The following EIF2B3 variants were observed in gnomAD, a reference collection of about 807,000 sequenced individuals.
EIF2B3 encodes translation initiation factor eIF2B subunit gamma.
A neutral mutation model predicts 54.1 loss-of-function variants in EIF2B3; 20 were observed. The ratio of observed to expected loss-of-function variants is 0.37; its 90% CI spans 0.26 to 0.54. The LOEUF is 0.54. EIF2B3 is among the 20% of genes least tolerant of loss of function. The pLI is 0.86. For missense variants in EIF2B3, 448 were observed against 547.8 expected (o/e 0.82, Z 1.82); for synonymous variants, 153 against 188.1 (o/e 0.81, Z 1.52).
rs955752116 is a variant in EIF2B3 at position 44,919,622 on chromosome 1, G to T, written c.566+7006C>A. 2.6e-5 allele frequency among the ~76,000 whole-genome samples: 4 copies of T among 151,612 alleles called. No individual in the cohort carries two copies. The East Asian group carries it at 7.7e-4, about 29-fold the overall frequency. On this transcript the variant is annotated intron_variant, in intron 5 of 11. Transcript: ENST00000360403. ...AAGTTTTCTGACCTATTCCAGTGTGGTCTGGTTGCCATTTATACTGGGTGT... is the reference window on the plus strand; with the variant it reads ...AAGTTTTCTGACCTATTCCAGTGTGTTCTGGTTGCCATTTATACTGGGTGT...
chr1:44,878,150 C>T (rs1221340687), intron 8 of EIF2B3, among the ~76,000 whole-genome samples: 2 of 152,192 alleles, frequency 1.3e-5, no homozygotes, highest in African/African-American at 4.8e-5. Context: ...AGCTCTCTGG[C>T]TTGGGACTCC....
intron 5 of EIF2B3, among the ~76,000 whole-genome samples, chr1:44,918,508 G>C (rs2148927316): frequency 6.6e-6 from 1 of 152,064 alleles, no homozygotes; most frequent in East Asian, 1.9e-4. Flanking sequence ...TCCTGCCTCA[G>C]CCTCCTGGGT....
chr1:44,909,931 G>C (rs1283135083), intron 5 of EIF2B3, among the ~76,000 whole-genome samples: 1 of 152,158 alleles, frequency 6.6e-6, no homozygotes, highest in Non-Finnish European at 1.5e-5. Context: ...ATCTGGCCAT[G>C]ATCTTTGAGG....
intron 10 of EIF2B3, among the ~76,000 whole-genome samples, chr1:44,870,531 A>C (rs1012230013): frequency 6.6e-6 from 1 of 152,128 alleles, no homozygotes; most frequent in Non-Finnish European, 1.5e-5. Flanking sequence ...TCTTATGTCT[A>C]AAATTGCTTG....
At position 44,874,816 on chromosome 1, in the gene EIF2B3, T is replaced by G; in HGVS notation, c.1064A>C (p.Asp355Ala). The change falls in exon 10 of 12, where the codon GAC becomes GCC. Residue 355 changes from aspartate (D) to alanine (A), a missense_variant. Asp to Ala is a moderately radical substitution (Grantham distance 126). This residue lies in a region of EIF2B3 where 350 missense variants were observed against 414.2 expected (regional missense o/e 0.85). Transcript: ENST00000360403. ...QIVSKHLVGVDSLIGPETQIG... is the reference protein window; with the variant it reads ...QIVSKHLVGVASLIGPETQIG... ...CTGTGTCTCTGGCCCAATGAGGCTG[T>G]CAACTCCAACCTGTAAAAGGCAAAA... The G allele has an allele frequency of 6.2e-7, 1 of 1,614,128 alleles. No individual in the cohort carries two copies. The highest frequency in any genetic ancestry group is 8.5e-7 in the Non-Finnish European group (1 of 1,180,034).
intron 3 of EIF2B3, among the ~76,000 whole-genome samples, chr1:44,947,275 CTTTAGTG>C (rs995230651): frequency 8.3e-4 from 127 of 152,304 alleles, no homozygotes; most frequent in African/African-American, 2.8e-3. Flanking sequence ...GAAGGCAGCA[CTTTAGTG>C]TTTAAAGTGT....
At chr1:44,983,571 C>A (rs1048817091) in intron 1 of EIF2B3, among the ~76,000 whole-genome samples, 2 of 152,046 alleles carry the variant, frequency 1.3e-5, no homozygotes, top group Non-Finnish European at 2.9e-5. Context: ...AGCACTGGAC[C>A]CTTAAGAGTC....
intron 5 of EIF2B3, among the ~76,000 whole-genome samples, chr1:44,907,927 A>G: frequency 6.6e-6 from 1 of 150,460 alleles, no homozygotes; most frequent in African/African-American, 2.4e-5. Flanking sequence ...GATGGCCACA[A>G]TTATTCCCCT....
At chr1:44,909,345 C>A (rs1643471044) in intron 5 of EIF2B3, among the ~76,000 whole-genome samples, 1 of 150,886 alleles carries the variant, frequency 6.6e-6, no homozygotes. Context: ...AAGACATAAA[C>A]CCACAAGGAC....
intron 10 of EIF2B3, chr1:44,874,459 C>T: frequency 1.8e-6 from 1 of 559,900 alleles, no homozygotes; most frequent in South Asian, 2.3e-5. Flanking sequence ...TCTCTTGTTT[C>T]TGATCTTTCT....
intron 10 of EIF2B3, among the ~76,000 whole-genome samples, chr1:44,866,612 T>C (rs952390244): frequency 6.6e-6 from 1 of 151,886 alleles, no homozygotes; most frequent in South Asian, 2.1e-4. Flanking sequence ...CGGAGTCCAA[T>C]AGTGCAACCT....
intron 6 of EIF2B3, among the ~76,000 whole-genome samples, chr1:44,883,178 T>G (rs1395790245): frequency 1.3e-5 from 2 of 151,764 alleles, no homozygotes. Flanking sequence ...CCTCAGGTGA[T>G]CCGCTTGCTC....
At chr1:44,880,108 G>A in intron 7 of EIF2B3, 100 bp from the exon 8 acceptor site, 1 of 1,289,818 alleles carries the variant, frequency 7.8e-7, no homozygotes, top group Non-Finnish European at 1.1e-6. Flanking sequence ...AAGAGACGAG[G>A]TCTTGCTATG....
intron 5 of EIF2B3, among the ~76,000 whole-genome samples, chr1:44,925,682 C>A (rs1643836850): frequency 6.6e-6 from 1 of 152,018 alleles, no homozygotes. Context: ...ATCCCCAGCA[C>A]TTTGGGGGCT....
chr1:44,945,582 T>C (rs1487267777), intron 3 of EIF2B3, among the ~76,000 whole-genome samples: 6 of 109,400 alleles, frequency 5.5e-5, no homozygotes, highest in African/African-American at 7.9e-5. Flanking sequence ...CCCATAAACA[T>C]CTCTTTAGGA....
chr1:44,883,693 G>A (rs888899734), intron 6 of EIF2B3, among the ~76,000 whole-genome samples: 2 of 152,136 alleles, frequency 1.3e-5, no homozygotes, highest in African/African-American at 4.8e-5. Flanking sequence ...ATAAAATTCT[G>A]GTTTCCCGTT....
intron 11 of EIF2B3, among the ~76,000 whole-genome samples, chr1:44,852,226 A>G (rs1485346024): frequency 1.3e-5 from 2 of 151,204 alleles, no homozygotes; most frequent in Non-Finnish European, 2.9e-5. Flanking sequence ...TGGCCTCCCA[A>G]AGTGCTGGAT....
intron 3 of EIF2B3, among the ~76,000 whole-genome samples, chr1:44,946,444 C>CTTTTTT (rs758880130): frequency 7.1e-6 from 1 of 140,322 alleles, no homozygotes; most frequent in Non-Finnish European, 1.5e-5. Context: ...TTCATAATAC[C>CTTTTTT]TTTTTTTTTT....
At chr1:44,946,572 G>A (rs1644104438) in intron 3 of EIF2B3, among the ~76,000 whole-genome samples, 1 of 150,854 alleles carries the variant, frequency 6.6e-6, no homozygotes, top group Non-Finnish European at 1.5e-5. Flanking sequence ...AAGTAGCTGG[G>A]ACTACAGGCA....
Sources: allele counts gnomAD v4.1 joint callset (sites outside exome capture counted in the v4.1 genomes callset), GRCh38; gene constraint gnomAD v4.1.1; regional missense constraint gnomAD v4.1.1; transcripts MANE v1.5; gene names NCBI Gene and HGNC (gene_info 2026-07-23, HGNC 2026-07-21).